The following SLC24A2 variants were observed in gnomAD, a reference collection of about 807,000 sequenced individuals.
SLC24A2 encodes the protein sodium/potassium/calcium exchanger 2.
Under a neutral mutation model 62.0 loss-of-function variants are expected in SLC24A2, and 36 were observed. That is an observed-to-expected ratio of 0.58 (90% CI 0.44 to 0.77). The LOEUF is 0.77. SLC24A2 is among the 30% of genes least tolerant of loss of function. The pLI, the probability that SLC24A2 is intolerant of heterozygous loss-of-function variation, is 0.00. For missense variants in SLC24A2, 846 were observed against 817.9 expected, an observed-to-expected ratio of 1.03 and a Z score of -0.42; for synonymous variants, 358 against 294.0, an observed-to-expected ratio of 1.22 and a Z score of -2.23.
chr9:19,761,826 G>C (rs979810588), intron 2 of SLC24A2, among the ~76,000 whole-genome samples: 17 of 152,086 alleles, frequency 1.1e-4, no homozygotes, highest in Non-Finnish European at 1.8e-4. Flanking sequence ...ATTTTTTATG[G>C]CTGCATAGTA....
chr9:19,775,685 G>A lies in SLC24A2; in HGVS notation c.930+10252C>T, dbSNP rs553477117. Among the ~76,000 whole-genome samples the A allele has an allele frequency of 6.6e-5, 10 of 152,268 alleles. No homozygotes were observed. The South Asian group carries it at 1.2e-3, about 19-fold the overall frequency. ...TTAATTACTAAAAGGAAAAGCTGAG[G>A]GTAAGAAGCAAGGCCACCACCAGGC... On this transcript the variant is annotated intron_variant, in intron 2 of 10. Transcript: ENST00000341998.
the SLC24A2 span, among the ~76,000 whole-genome samples, chr9:19,845,420 G>C: frequency 2.6e-5 from 4 of 152,174 alleles, no homozygotes; most frequent in Non-Finnish European, 2.9e-5. Flanking sequence ...TTTCGGCAGA[G>C]TCTTTAGGGT....
chr9:19,549,891 G>C (rs1218750099), intron 8 of SLC24A2, among the ~76,000 whole-genome samples: 1 of 152,184 alleles, frequency 6.6e-6, no homozygotes, highest in East Asian at 1.9e-4. Flanking sequence ...TTGATAACCT[G>C]AACAATCAGT....
At chr9:19,525,759 G>A (rs1460612507) in intron 9 of SLC24A2, among the ~76,000 whole-genome samples, 1 of 128,874 alleles carries the variant, frequency 7.8e-6, no homozygotes, top group Non-Finnish European at 1.6e-5. Flanking sequence ...ATCAACACAT[G>A]CTACTGTTTT....
the SLC24A2 span, among the ~76,000 whole-genome samples, chr9:20,014,951 C>G: frequency 6.6e-6 from 1 of 152,000 alleles, no homozygotes; most frequent in Non-Finnish European, 1.5e-5. Context: ...TTTAATCATG[C>G]TACATTGTAT....
intron 2 of SLC24A2, among the ~76,000 whole-genome samples, chr9:19,749,250 C>G (rs962727041): frequency 6.6e-6 from 1 of 151,956 alleles, no homozygotes; most frequent in Non-Finnish European, 1.5e-5. Flanking sequence ...GATAAAAGAA[C>G]AGCATACATT....
chr9:19,656,354 C>T (rs1818941866), intron 2 of SLC24A2, among the ~76,000 whole-genome samples: 1 of 152,186 alleles, frequency 6.6e-6, no homozygotes, highest in African/African-American at 2.4e-5. Context: ...ACTTTATCCT[C>T]TATTTGCAGC....
chr9:19,756,116 G>A (rs1286234743), intron 2 of SLC24A2, among the ~76,000 whole-genome samples: 2 of 152,138 alleles, frequency 1.3e-5, no homozygotes, highest in Admixed American at 6.6e-5. Context: ...TGCCCTGTGT[G>A]TCCAGCAATA....
chr9:19,850,972 TA>T, the SLC24A2 span, among the ~76,000 whole-genome samples: 1 of 47,872 alleles, frequency 2.1e-5, no homozygotes, highest in Non-Finnish European at 4.4e-5. Context: ...TATATGTATA[TA>T]TATATATATA....
At chr9:19,712,095 G>T (rs566397863) in intron 2 of SLC24A2, among the ~76,000 whole-genome samples, 18 of 152,108 alleles carry the variant, frequency 1.2e-4, no homozygotes, top group Non-Finnish European at 2.4e-4. Context: ...AGGTGTCTCA[G>T]CACAAAAAGT....
At chr9:19,563,179 A>G (rs928890814) in intron 7 of SLC24A2, among the ~76,000 whole-genome samples, 10 of 123,072 alleles carry the variant, frequency 8.1e-5, no homozygotes, top group African/African-American at 2.2e-4. Flanking sequence ...CAGCTTTGGC[A>G]TCTCTCCCCC....
At chr9:19,856,852 C>T in the SLC24A2 span, among the ~76,000 whole-genome samples, 1 of 152,172 alleles carries the variant, frequency 6.6e-6, no homozygotes, top group Non-Finnish European at 1.5e-5. Flanking sequence ...GGGGAGAAAT[C>T]CCCCTCATCT....
the SLC24A2 span, among the ~76,000 whole-genome samples, chr9:19,862,672 A>C: frequency 6.6e-6 from 1 of 152,074 alleles, no homozygotes. Flanking sequence ...CAGTAACAAC[A>C]AAAAAATTAA....
chr9:19,911,354 A>T, the SLC24A2 span, among the ~76,000 whole-genome samples: 2 of 151,946 alleles, frequency 1.3e-5, no homozygotes, highest in African/African-American at 4.8e-5. Flanking sequence ...TCTTTGCTAT[A>T]GTGAATAGTG....
chr9:20,078,742 TA>T, the SLC24A2 span, among the ~76,000 whole-genome samples: 12 of 152,164 alleles, frequency 7.9e-5, no homozygotes, highest in African/African-American at 2.9e-4. Flanking sequence ...CAGGTTGCCG[TA>T]ACCTAAAGAA....
the SLC24A2 span, among the ~76,000 whole-genome samples, chr9:20,239,928 G>A: frequency 1.3e-5 from 2 of 150,768 alleles, no homozygotes; most frequent in African/African-American, 4.9e-5. Flanking sequence ...TGAACTGGAA[G>A]AGGGTGTTAG....
At chr9:20,175,548 A>T in the SLC24A2 span, among the ~76,000 whole-genome samples, 1 of 152,086 alleles carries the variant, frequency 6.6e-6, no homozygotes, top group Non-Finnish European at 1.5e-5. Flanking sequence ...TCAAAAAAGA[A>T]ATATATGTGG....
the SLC24A2 span, among the ~76,000 whole-genome samples, chr9:20,255,055 T>C: frequency 4.1e-4 from 62 of 152,292 alleles, no homozygotes; most frequent in Non-Finnish European, 7.9e-4. Context: ...ATTATTACAA[T>C]TCAAGGTGAG....
chr9:20,006,772 A>G, the SLC24A2 span, among the ~76,000 whole-genome samples: 1 of 152,184 alleles, frequency 6.6e-6, no homozygotes, highest in African/African-American at 2.4e-5. Flanking sequence ...TACAGTATCA[A>G]GAAAAATCGT....
Sources: allele counts gnomAD v4.1 joint callset (sites outside exome capture counted in the v4.1 genomes callset), GRCh38; gene constraint gnomAD v4.1.1; transcripts MANE v1.5; gene names NCBI Gene and HGNC (gene_info 2026-07-23, HGNC 2026-07-21).